Variants in ADCY9 observed in about 807,000 individuals in gnomAD.
ADCY9 encodes adenylate cyclase type 9.
In ADCY9, 50 loss-of-function variants were observed where a neutral mutation model predicts 101.5. The observed-to-expected ratio is 0.49, with a 90% CI of 0.39 to 0.62. ADCY9 has a LOEUF of 0.62. Among genes scored for constraint, ADCY9 ranks in the 20% least tolerant of loss-of-function variants. The probability of loss-of-function intolerance (pLI) is 0.00; values close to 1 mark genes in which losing one functional copy is unlikely to be tolerated. For synonymous variants in ADCY9, 905 were observed against 769.3 expected, an observed-to-expected ratio of 1.18 and a Z score of -2.92; for missense variants, 1,662 against 1,800.4, an observed-to-expected ratio of 0.92 and a Z score of 1.39.
intron 9 of ADCY9, among the ~76,000 whole-genome samples, chr16:3,976,193 G>A (rs762552058): frequency 4.6e-5 from 7 of 152,088 alleles, no homozygotes; most frequent in East Asian, 1.9e-4. Context: ...GGGTTTCACC[G>A]TGTTGCCCAG....
intron 2 of ADCY9, among the ~76,000 whole-genome samples, chr16:4,049,569 A>G (rs1213850590): frequency 6.6e-6 from 1 of 152,162 alleles, no homozygotes; most frequent in Non-Finnish European, 1.5e-5. Context: ...AAACCACGTG[A>G]AAAGATTTTT....
In ADCY9 at chr16:3,974,685, C is replaced by T. The variant is rs756325728; in HGVS notation, c.2854G>A (p.Ala952Thr). 10 of 1,612,668 alleles carry T rather than the reference C, an allele frequency of 6.2e-6. No individual in the cohort carries two copies. Among genetic ancestry groups the T allele is most frequent in the South Asian group, 2.2e-5 (2 of 91,004 alleles). The change falls in exon 10 of 11, where the codon GCA becomes ACA. Residue 952 changes from alanine to threonine, a missense_variant. Around this residue, in one of 5 missense-constraint regions of ADCY9, gnomAD observed 624 missense variants for 639.1 expected, o/e 0.98. Coordinates refer to ENST00000294016, the MANE Select transcript of ADCY9 (RefSeq NM_001116.4). ...AAAGCTTACCTGAAATTCTGTACTGCGTCAAGGGGCGAAGTTAATACAGAA... is the reference window on the plus strand; with the variant it reads ...AAAGCTTACCTGAAATTCTGTACTGTGTCAAGGGGCGAAGTTAATACAGAA... ...DSSVLTSPLDAVQNFSSERNP... is the reference protein window; with the variant it reads ...DSSVLTSPLDTVQNFSSERNP...
intron 2 of ADCY9, among the ~76,000 whole-genome samples, chr16:4,080,644 G>C (rs757236430): frequency 1.7e-4 from 26 of 150,920 alleles, no homozygotes; most frequent in Non-Finnish European, 2.9e-4. Flanking sequence ...TAGTTTGACA[G>C]AAACAATAAA....
rs1555441480 is a variant in ADCY9 at position 4,057,046 on chromosome 16, C to CAG, written c.1694-49489_1694-49488insCT. 2.0e-3 allele frequency among the ~76,000 whole-genome samples: 282 copies of CAG among 142,210 alleles called. 5 individuals carry two copies. Among genetic ancestry groups the CAG allele is most frequent in the African/African-American group, 7.0e-3 (266 of 37,908 alleles). The allele number at this position is 142,210 out of a possible 152,430, so 93.3% of individuals were successfully genotyped here. A position where few individuals can be genotyped will look rare whatever the true frequency, so the allele number is the denominator to read the frequency against. On this transcript the variant is annotated intron_variant, in intron 2 of 10. Transcript: ENST00000294016. ...CCTGTACTGATGAAACCGCCCCCCCCCCCCCCGCCAATCTTACTCTTCTGT... is the reference window on the plus strand; with the variant it reads ...CCTGTACTGATGAAACCGCCCCCCCCAGCCCCCCGCCAATCTTACTCTTCTGT...
chr16:4,024,691 CAGGTTCATGATTTA>C (rs1256460323), intron 2 of ADCY9, among the ~76,000 whole-genome samples: 1 of 152,002 alleles, frequency 6.6e-6, no homozygotes, highest in Non-Finnish European at 1.5e-5. Flanking sequence ...GGCCTTAGGT[CAGGTTCATGATTTA>C]AGGTCTAGGC....
chr16:3,970,379 G>A (rs1295326922), intron 10 of ADCY9, among the ~76,000 whole-genome samples: 1 of 151,792 alleles, frequency 6.6e-6, no homozygotes, highest in Non-Finnish European at 1.5e-5. Flanking sequence ...CCTGGCTGGA[G>A]TGCAATGGCG....
intron 2 of ADCY9, among the ~76,000 whole-genome samples, chr16:4,035,539 T>C (rs1368352777): frequency 6.6e-6 from 1 of 152,154 alleles, no homozygotes; most frequent in Non-Finnish European, 1.5e-5. Flanking sequence ...ATGCTTAGAT[T>C]GCCTCGCAAA....
At chr16:4,073,811 C>G (rs955835959) in intron 2 of ADCY9, among the ~76,000 whole-genome samples, 4 of 115,666 alleles carry the variant, frequency 3.5e-5, no homozygotes, top group Non-Finnish European at 5.8e-5. Flanking sequence ...GTTTTTCAGT[C>G]GGGAGATGAG....
chr16:4,027,649 G>A (rs1417960667), intron 2 of ADCY9, among the ~76,000 whole-genome samples: 1 of 152,122 alleles, frequency 6.6e-6, no homozygotes, highest in Non-Finnish European at 1.5e-5. Context: ...GGCCGAGGTG[G>A]GCATATCACC....
chr16:4,002,436 CT>C (rs1452896969), intron 3 of ADCY9, among the ~76,000 whole-genome samples: 1 of 152,076 alleles, frequency 6.6e-6, no homozygotes, highest in Non-Finnish European at 1.5e-5. Flanking sequence ...GGTGAGTGGC[CT>C]TAAAGGGGAA....
chr16:3,957,668 T>C (rs560886121), downstream of ADCY9, among the ~76,000 whole-genome samples: 5 of 149,886 alleles, frequency 3.3e-5, no homozygotes, highest in South Asian at 2.1e-4. Flanking sequence ...CTGGAGGAGA[T>C]AGAGAAGGCT....
At chr16:4,029,062 C>T (rs556087112) in intron 2 of ADCY9, among the ~76,000 whole-genome samples, 49 of 152,228 alleles carry the variant, frequency 3.2e-4, no homozygotes, top group South Asian at 2.1e-3. Context: ...GGATTACAGA[C>T]GTGAGCCACT....
intron 2 of ADCY9, among the ~76,000 whole-genome samples, chr16:4,092,796 A>G (rs2056981644): frequency 6.6e-6 from 1 of 152,198 alleles, no homozygotes; most frequent in African/African-American, 2.4e-5. Flanking sequence ...CCATCAAACG[A>G]TATCTGCAGG....
intron 2 of ADCY9, among the ~76,000 whole-genome samples, chr16:4,037,803 C>A (rs1484473787): frequency 6.6e-6 from 1 of 152,074 alleles, no homozygotes; most frequent in Non-Finnish European, 1.5e-5. Flanking sequence ...ACTACAGAGT[C>A]CTACACAGGG....
intron 2 of ADCY9, among the ~76,000 whole-genome samples, chr16:4,074,678 T>C (rs887945949): frequency 5.9e-5 from 8 of 135,830 alleles, no homozygotes; most frequent in African/African-American, 1.7e-4. Context: ...GATCATGCCA[T>C]TGTACCCCAG....
intron 2 of ADCY9, among the ~76,000 whole-genome samples, chr16:4,012,283 C>G (rs2056409317): frequency 6.6e-6 from 1 of 152,132 alleles, no homozygotes; most frequent in Non-Finnish European, 1.5e-5. Flanking sequence ...GGTTATCACC[C>G]TGACAGGTAA....
chr16:4,080,539 A>G (rs1474082652), intron 2 of ADCY9, among the ~76,000 whole-genome samples: 1 of 152,162 alleles, frequency 6.6e-6, no homozygotes, highest in Non-Finnish European at 1.5e-5. Context: ...GATTTCAGGC[A>G]TGACCCACCG....
At position 4,114,424 on chromosome 16, in the gene ADCY9, C is replaced by A. The variant is rs780726526; in HGVS notation, c.1019G>T (p.Arg340Ile). ...CTTCATTAAGTCATCGGCTATGATTCTTGGCATCACGGAATGAATCATCCT... is the reference window on the plus strand; with the variant it reads ...CTTCATTAAGTCATCGGCTATGATTATTGGCATCACGGAATGAATCATCCT... ...KERMIHSVMP[R>I]IIADDLMKQG... Residue 340 changes from arginine to isoleucine, a missense_variant, in exon 2 of 11, where the codon AGA becomes ATA. Arg to Ile is a moderately conservative substitution (Grantham distance 97). Transcript: ENST00000294016. This position sits in a 1 kb window ranked among gnomAD's most constrained non-coding sequence, Gnocchi z 4.3. 2.5e-6 allele frequency: 4 copies of A among 1,614,062 alleles called. No homozygotes were observed. The highest frequency in any genetic ancestry group is 3.4e-6 in the Non-Finnish European group (4 of 1,180,056).
chr16:4,047,031 G>A (rs1209677411), intron 2 of ADCY9, among the ~76,000 whole-genome samples: 4 of 151,776 alleles, frequency 2.6e-5, no homozygotes, highest in African/African-American at 7.3e-5. Context: ...AAAAAACTAC[G>A]AAAACATATT....
Sources: gnomAD v4.1 joint callset for allele counts (sites outside exome capture counted in the v4.1 genomes callset) on GRCh38, gnomAD v4.1.1 for gene constraint, gnomAD v4.1.1 regional missense constraint, Gnocchi (gnomAD v3.1) non-coding constraint, MANE v1.5 for transcripts, NCBI Gene and HGNC (gene_info 2026-07-23, HGNC 2026-07-21) for gene names.